Variants in STARD13 observed in about 807,000 individuals in gnomAD.
The protein encoded by STARD13 is StAR related lipid transfer domain containing 13, also known as stAR-related lipid transfer protein 13.
STARD13 carries 62 observed loss-of-function variants against 106.4 expected under a neutral mutation model. That is an observed-to-expected ratio of 0.58 (90% CI 0.48 to 0.72). The LOEUF (loss-of-function observed/expected upper bound fraction) is 0.72. Ranked by LOEUF, STARD13 falls within the 30% of genes least tolerant of loss-of-function variation. The probability of loss-of-function intolerance (pLI) is 0.00; values close to 1 mark genes in which losing one functional copy is unlikely to be tolerated. For synonymous variants in STARD13, 565 were observed against 553.0 expected, an observed-to-expected ratio of 1.02 and a Z score of -0.31; for missense variants, 1,387 against 1,424.0, an observed-to-expected ratio of 0.97 and a Z score of 0.42.
the STARD13 span, among the ~76,000 whole-genome samples, chr13:33,652,608 T>C: frequency 4.6e-5 from 7 of 152,186 alleles, no homozygotes; most frequent in African/African-American, 1.4e-4. Flanking sequence ...TCAAAGCCAA[T>C]ATAATGGAGC....
intron 8 of STARD13, 158 bp downstream of exon 8, chr13:33,117,907 C>A: frequency 7.2e-7 from 1 of 1,396,246 alleles, no homozygotes; most frequent in Non-Finnish European, 9.3e-7. Context: ...CCATATCAAA[C>A]TTTGAGCAAA....
chr13:33,197,792 T>A (rs1334393597), intron 1 of STARD13, among the ~76,000 whole-genome samples: 1 of 152,308 alleles, frequency 6.6e-6, no homozygotes, highest in South Asian at 2.1e-4. Context: ...TGCCACTGAA[T>A]TTCCATCCCC....
chr13:33,133,378 G>A (rs1878593646), intron 4 of STARD13, among the ~76,000 whole-genome samples: 3 of 152,120 alleles, frequency 2.0e-5, no homozygotes, highest in African/African-American at 7.2e-5. Context: ...AAGGAAAACA[G>A]CTCAGGGAAA....
At chr13:33,111,935 G>A (rs764748637) in intron 9 of STARD13, 43 bp from the exon 10 acceptor site, 3 of 1,273,076 alleles carry the variant, frequency 2.4e-6, no homozygotes, top group South Asian at 2.4e-5. Context: ...CCACACCAAC[G>A]AGCTTGTCAC....
chr13:33,315,933 T>C (rs1442156867), intron 1 of STARD13, among the ~76,000 whole-genome samples: 2 of 152,090 alleles, frequency 1.3e-5, no homozygotes, highest in Admixed American at 6.5e-5. Context: ...ATGTTATAAA[T>C]TTACCTTTAA....
At chr13:33,408,450 C>T in the STARD13 span, among the ~76,000 whole-genome samples, 2 of 151,922 alleles carry the variant, frequency 1.3e-5, no homozygotes, top group Non-Finnish European at 2.9e-5. Context: ...AACATAATCT[C>T]CTCAAGGATC....
chr13:33,358,659 T>G, the STARD13 span, among the ~76,000 whole-genome samples: 1 of 152,184 alleles, frequency 6.6e-6, no homozygotes, highest in East Asian at 1.9e-4. Flanking sequence ...TGAATCTAGC[T>G]CAAGGTTTGT....
the STARD13 span, among the ~76,000 whole-genome samples, chr13:33,511,014 T>C: frequency 1.3e-5 from 2 of 152,102 alleles, no homozygotes; most frequent in South Asian, 4.1e-4. Context: ...TTTTTCTGTT[T>C]AAAAGCTGAT....
intron 1 of STARD13, among the ~76,000 whole-genome samples, chr13:33,258,010 A>G (rs1274202411): frequency 6.6e-6 from 1 of 152,214 alleles, no homozygotes; most frequent in Non-Finnish European, 1.5e-5. Flanking sequence ...AACTCACTAT[A>G]ATCTTCCAGC....
At chr13:33,364,891 A>G in the STARD13 span, among the ~76,000 whole-genome samples, 24 of 152,294 alleles carry the variant, frequency 1.6e-4, no homozygotes, top group Non-Finnish European at 2.6e-4. Flanking sequence ...TCCGTCTCAA[A>G]AAAAAAGAAA....
the STARD13 span, among the ~76,000 whole-genome samples, chr13:33,655,319 G>T: frequency 6.6e-6 from 1 of 152,206 alleles, no homozygotes; most frequent in Non-Finnish European, 1.5e-5. Flanking sequence ...AGTTCCTTCA[G>T]AGGAAAAATA....
intron 1 of STARD13, among the ~76,000 whole-genome samples, chr13:33,215,116 A>C (rs1020081049): frequency 2.8e-5 from 1 of 35,616 alleles, no homozygotes; most frequent in South Asian, 1.2e-3. Context: ...TAGAATGAGT[A>C]CTTGGGGGGG....
the STARD13 span, among the ~76,000 whole-genome samples, chr13:33,360,139 T>C: frequency 2.0e-5 from 3 of 152,154 alleles, no homozygotes; most frequent in African/African-American, 4.8e-5. Flanking sequence ...TTTATGACGT[T>C]TTAAAAATGG....
the STARD13 span, among the ~76,000 whole-genome samples, chr13:33,367,946 A>G: frequency 6.6e-6 from 1 of 152,166 alleles, no homozygotes; most frequent in South Asian, 2.1e-4. Context: ...ATGGCCAGAT[A>G]TGTGGCCATT....
intron 1 of STARD13, among the ~76,000 whole-genome samples, chr13:33,342,174 A>G (rs1410831755): frequency 6.6e-6 from 1 of 152,204 alleles, no homozygotes; most frequent in African/African-American, 2.4e-5. Context: ...TGTCAGAGGC[A>G]AAGCATAACC....
the STARD13 span, among the ~76,000 whole-genome samples, chr13:33,595,993 C>T: frequency 6.6e-6 from 1 of 152,064 alleles, no homozygotes; most frequent in Non-Finnish European, 1.5e-5. Flanking sequence ...TATTTGTAGC[C>T]TCAGTTTGAA....
the STARD13 span, among the ~76,000 whole-genome samples, chr13:33,482,360 C>T: frequency 4.6e-5 from 7 of 152,136 alleles, no homozygotes; most frequent in African/African-American, 1.7e-4. Context: ...TTGTTTTAAA[C>T]AGTTTTAACA....
At chr13:33,219,694 A>C (rs983843410) in intron 1 of STARD13, among the ~76,000 whole-genome samples, 1 of 151,368 alleles carries the variant, frequency 6.6e-6, no homozygotes, top group African/African-American at 2.4e-5. Flanking sequence ...AGTCCTAGCT[A>C]CTTGGGAGGC....
intron 1 of STARD13, among the ~76,000 whole-genome samples, chr13:33,305,651 C>A (rs1031806700): frequency 1.3e-5 from 2 of 152,134 alleles, no homozygotes; most frequent in Admixed American, 1.3e-4. Flanking sequence ...GCAGGCCTTG[C>A]CATCCATTTG....
Sources: allele counts gnomAD v4.1 joint callset (sites outside exome capture counted in the v4.1 genomes callset), GRCh38; gene constraint gnomAD v4.1.1; transcripts MANE v1.5; gene names NCBI Gene and HGNC (gene_info 2026-07-23, HGNC 2026-07-21).